Variants in FOCAD observed in about 807,000 individuals in gnomAD.
FOCAD encodes the protein KIAA1797.
In FOCAD, 198 loss-of-function variants were observed where a neutral mutation model predicts 225.6. The ratio of observed to expected loss-of-function variants is 0.88; its 90% confidence interval spans 0.78 to 0.99. FOCAD has a LOEUF of 0.99. Among genes scored for constraint, FOCAD ranks in the 50% least tolerant of loss-of-function variants. FOCAD has a pLI of 0.00. For missense variants in FOCAD, 2,713 were observed against 2,123.6 expected (o/e 1.28, Z -5.46); for synonymous variants, 897 against 755.0 (o/e 1.19, Z -3.08).
intron 1 of FOCAD, among the ~76,000 whole-genome samples, chr9:20,696,463 AT>A (rs1823376389): frequency 1.3e-5 from 2 of 152,190 alleles, no homozygotes; most frequent in African/African-American, 2.4e-5. Context: ...TTATTTGTCA[AT>A]TGCTATGGTT....
At position 20,822,977 on chromosome 9, in the gene FOCAD, C is replaced by A. The variant is rs768096441; in HGVS notation, c.1794-12C>A. Reference sequence around the variant, plus strand: ...AGCATTAATTTTGCTTTTAAACTTTCATTTCTTGTAGGCCATATCAACATG... The same window carrying A: ...AGCATTAATTTTGCTTTTAAACTTTAATTTCTTGTAGGCCATATCAACATG... On this transcript the variant is annotated splice_polypyrimidine_tract_variant and intron_variant, in intron 14 of 43. Transcript: ENST00000338382. The A allele has an allele frequency of 6.4e-7, 1 of 1,563,976 alleles. No homozygotes were observed. Among genetic ancestry groups the A allele is most frequent in the Admixed American group, 2.1e-5 (1 of 47,018 alleles).
intron 15 of FOCAD, among the ~76,000 whole-genome samples, chr9:20,837,482 G>A (rs1022464845): frequency 1.3e-5 from 2 of 151,932 alleles, no homozygotes; most frequent in African/African-American, 4.8e-5. Flanking sequence ...GATGGTAATT[G>A]TGTGCTGTTC....
At chr9:20,662,266 A>G (rs1463833688) in intron 2 of FOCAD, among the ~76,000 whole-genome samples, 1 of 152,136 alleles carries the variant, frequency 6.6e-6, no homozygotes, top group African/African-American at 2.4e-5. Flanking sequence ...TGCACAGTCC[A>G]GATCCCATTA....
intron 28 of FOCAD, among the ~76,000 whole-genome samples, chr9:20,944,394 G>A (rs1587686160): frequency 6.6e-6 from 1 of 152,182 alleles, no homozygotes; most frequent in South Asian, 2.1e-4. Context: ...TATCTAGGGG[G>A]TGTACAGCAC....
chr9:20,796,367 C>G (rs1394915859), intron 11 of FOCAD, among the ~76,000 whole-genome samples: 3 of 152,144 alleles, frequency 2.0e-5, no homozygotes, highest in Admixed American at 6.5e-5. Context: ...ATTTCTAGTT[C>G]TAGCTCCCTG....
At chr9:20,722,642 G>A (rs1825878651) in intron 4 of FOCAD, among the ~76,000 whole-genome samples, 1 of 152,100 alleles carries the variant, frequency 6.6e-6, no homozygotes, top group East Asian at 1.9e-4. Context: ...GTTTCTACAC[G>A]CATTCACATA....
At chr9:20,946,076 TATTTATTC>T (rs910429343) in intron 29 of FOCAD, among the ~76,000 whole-genome samples, 17 of 99,052 alleles carry the variant, frequency 1.7e-4, no homozygotes, top group Non-Finnish European at 2.1e-4. Flanking sequence ...ACCCATATTT[TATTTATTC>T]ATTCATTCAT....
intron 11 of FOCAD, among the ~76,000 whole-genome samples, chr9:20,806,438 G>A (rs1470151600): frequency 3.3e-5 from 5 of 151,938 alleles, no homozygotes; most frequent in Non-Finnish European, 5.9e-5. Flanking sequence ...TTTTGTAGGC[G>A]GCTTGTCGAA....
At chr9:20,788,804 G>C (rs993815686) in intron 10 of FOCAD, among the ~76,000 whole-genome samples, 1 of 152,160 alleles carries the variant, frequency 6.6e-6, no homozygotes, top group Non-Finnish European at 1.5e-5. Flanking sequence ...TTTCAGCTTA[G>C]AGCTGTCAGG....
chr9:20,935,438 T>A (rs1421539063), intron 28 of FOCAD, among the ~76,000 whole-genome samples: 1 of 152,228 alleles, frequency 6.6e-6, no homozygotes, highest in Non-Finnish European at 1.5e-5. Flanking sequence ...CTCACTCTTA[T>A]TGCCTAGGCT....
intron 11 of FOCAD, among the ~76,000 whole-genome samples, chr9:20,818,842 G>T (rs1034676680): frequency 2.0e-5 from 3 of 151,934 alleles, no homozygotes; most frequent in Admixed American, 2.0e-4. Context: ...GATTATTTAG[G>T]GTATTTAGGG....
At chr9:20,805,483 A>G (rs1421876475) in intron 11 of FOCAD, among the ~76,000 whole-genome samples, 1 of 152,186 alleles carries the variant, frequency 6.6e-6, no homozygotes, top group African/African-American at 2.4e-5. Context: ...GGAAGAAACA[A>G]AGTGATCAGC....
intron 8 of FOCAD, among the ~76,000 whole-genome samples, chr9:20,771,396 C>T (rs1158333864): frequency 1.3e-5 from 2 of 152,114 alleles, no homozygotes; most frequent in East Asian, 3.8e-4. Context: ...CCGCACACCA[C>T]TAATAGGGTA....
At chr9:20,938,245 T>A (rs1011504719) in intron 28 of FOCAD, among the ~76,000 whole-genome samples, 33 of 152,186 alleles carry the variant, frequency 2.2e-4, no homozygotes, top group South Asian at 1.0e-3. Flanking sequence ...TACCCAAAGG[T>A]TTATAAATCA....
intron 15 of FOCAD, 45 bp from the exon 16 acceptor site, chr9:20,862,533 G>T: frequency 6.3e-7 from 1 of 1,598,144 alleles, no homozygotes; most frequent in South Asian, 1.1e-5. Flanking sequence ...GCTTCATATA[G>T]GTTGGAGTCT....
chr9:20,785,103 T>G (rs1819780068), intron 10 of FOCAD, among the ~76,000 whole-genome samples: 1 of 152,132 alleles, frequency 6.6e-6, no homozygotes, highest in Non-Finnish European at 1.5e-5. Context: ...TTAACTGGTT[T>G]GATTTTATCT....
chr9:20,955,046 C>T (rs929111023), intron 35 of FOCAD, among the ~76,000 whole-genome samples: 1 of 152,280 alleles, frequency 6.6e-6, no homozygotes, highest in Middle Eastern at 3.4e-3. Context: ...GTTTAAATGT[C>T]TGGATGTCAC....
At chr9:20,759,602 A>G (rs995000851) in intron 6 of FOCAD, among the ~76,000 whole-genome samples, 1 of 152,362 alleles carries the variant, frequency 6.6e-6, no homozygotes, top group African/African-American at 2.4e-5. Flanking sequence ...CTAAAACCAT[A>G]AAAACCGTAG....
At chr9:20,692,107 G>C (rs549171457) in intron 1 of FOCAD, among the ~76,000 whole-genome samples, 1 of 152,134 alleles carries the variant, frequency 6.6e-6, no homozygotes, top group African/African-American at 2.4e-5. Context: ...TATATTTTCA[G>C]CCTCGCCTTC....
Sources: allele counts gnomAD v4.1 joint callset (sites outside exome capture counted in the v4.1 genomes callset), GRCh38; gene constraint gnomAD v4.1.1; transcripts MANE v1.5; gene names NCBI Gene and HGNC (gene_info 2026-07-23, HGNC 2026-07-21).